The following PCDHGB6 variants were observed in gnomAD, a reference collection of about 807,000 sequenced individuals.
PCDHGB6 encodes protocadherin gamma subfamily B, 6.
In PCDHGB6, 51 loss-of-function variants were observed where a neutral mutation model predicts 59.1. That is an observed-to-expected ratio of 0.86 (90% confidence interval 0.69 to 1.09). The LOEUF is 1.09. Among genes scored for constraint, PCDHGB6 ranks in the 50% least tolerant of loss-of-function variants. The pLI, the probability that PCDHGB6 is intolerant of heterozygous loss-of-function variation, is 0.00. For synonymous variants in PCDHGB6, 466 were observed against 495.1 expected, an observed-to-expected ratio of 0.94 and a Z score of 0.78; for missense variants, 1,148 against 1,205.1, an observed-to-expected ratio of 0.95 and a Z score of 0.70.
At chr5:141,451,193 A>T (rs2098710240) in intron 1 of PCDHGB6, among the ~76,000 whole-genome samples, 1 of 152,208 alleles carries the variant, frequency 6.6e-6, no homozygotes, top group Non-Finnish European at 1.5e-5. Context: ...TGTGTAACAA[A>T]TTATCCCAAA....
At chr5:141,479,486 A>T (rs72790065) in intron 1 of PCDHGB6, 21,264 of 152,292 alleles carry the variant, frequency 0.14, 1,529 homozygotes, top group Admixed American at 0.16. Context: ...GGGCAGGACC[A>T]TCAGGTTGCC....
Position 141,408,177 on chromosome 5 carries a change from G to A in PCDHGB6, c.-26G>A, listed in dbSNP as rs1359754385. 7.2e-6 allele frequency: 11 copies of A among 1,534,346 alleles called. 1 individual carries two copies. In the South Asian group the frequency reaches 1.3e-4, roughly 19 times the overall value. ...GCACTTTCTCCAACTGGAAAAGCGGGGACCCAGCGAGAACCCGAGCGAACG... is the reference window on the plus strand; with the variant it reads ...GCACTTTCTCCAACTGGAAAAGCGGAGACCCAGCGAGAACCCGAGCGAACG... On this transcript the variant is annotated 5_prime_UTR_variant, in exon 1 of 4. Transcript: ENST00000520790.
intron 1 of PCDHGB6, chr5:141,415,339 C>T (rs776585248): frequency 7.4e-6 from 12 of 1,614,190 alleles, no homozygotes; most frequent in Non-Finnish European, 1.0e-5. Context: ...CAGGCTGCGG[C>T]GCTGGCACAA....
chr5:141,410,849 CTTT>C (rs759346998), intron 1 of PCDHGB6: 1,556 of 136,944 alleles, frequency 0.011, no homozygotes, highest in South Asian at 0.02. Flanking sequence ...TTGTCTTTGT[CTTT>C]TTTTTTTTTT....
chr5:141,427,428 T>C (rs1489623330), intron 1 of PCDHGB6: 3 of 470,472 alleles, frequency 6.4e-6, no homozygotes, highest in Admixed American at 4.7e-5. Context: ...GGAGGTTACA[T>C]GCCTCATAAA....
intron 1 of PCDHGB6, among the ~76,000 whole-genome samples, chr5:141,463,124 T>C (rs2099053100): frequency 6.6e-6 from 1 of 152,174 alleles, no homozygotes; most frequent in African/African-American, 2.4e-5. Context: ...AATAGCTCCC[T>C]GGCAGTTCTT....
rs763879404 is a variant in PCDHGB6, at chr5:141,410,041, G to A, written c.1839G>A (p.Glu613=). 2 of 1,613,228 alleles carry A rather than the reference G, an allele frequency of 1.2e-6. No individual in the cohort carries two copies. Among genetic ancestry groups the A allele is most frequent in the East Asian group, 2.2e-5 (1 of 44,870 alleles). The change falls in exon 1 of 4, where the codon GAG becomes GAA. Residue 613 remains glutamate (E), a synonymous_variant. Coordinates refer to ENST00000520790, the MANE Select transcript of PCDHGB6 (RefSeq NM_018926.3). The part of the protein sequence containing the change: ...WLSYHVLQAS[E]PGLFSLGLRT... ...CCTACCACGTGCTGCAGGCCAGTGAGCCCGGACTCTTCAGCCTGGGGCTGC... is the reference window on the plus strand; with the variant it reads ...CCTACCACGTGCTGCAGGCCAGTGAACCCGGACTCTTCAGCCTGGGGCTGC...
intron 1 of PCDHGB6, among the ~76,000 whole-genome samples, chr5:141,443,859 GAA>G (rs2098408229): frequency 6.6e-6 from 1 of 152,104 alleles, no homozygotes; most frequent in Non-Finnish European, 1.5e-5. Context: ...TCTGAAAACT[GAA>G]AAAATTACTG....
chr5:141,419,240 G>T, intron 1 of PCDHGB6: 1 of 1,613,980 alleles, frequency 6.2e-7, no homozygotes. Flanking sequence ...CCTGGTCCAC[G>T]TGCCAGAAAA....
intron 1 of PCDHGB6, among the ~76,000 whole-genome samples, chr5:141,481,913 CAAAAA>C (rs34114744): frequency 1.1e-5 from 1 of 90,852 alleles, no homozygotes; most frequent in Non-Finnish European, 2.2e-5. Flanking sequence ...AACTCCATCT[CAAAAA>C]AAAAAAAAAA....
chr5:141,484,374 T>C (rs1261372490), intron 1 of PCDHGB6, among the ~76,000 whole-genome samples: 1 of 152,186 alleles, frequency 6.6e-6, no homozygotes, highest in Non-Finnish European at 1.5e-5. Context: ...CACTAGCAAA[T>C]GTCTGAATAA....
At chr5:141,426,625 A>G (rs770683989) in intron 1 of PCDHGB6, 29 of 394,754 alleles carry the variant, frequency 7.3e-5, no homozygotes, top group South Asian at 7.2e-5. Context: ...AATCCTCTAA[A>G]TGTTTTTCAC....
rs1029237740 is a variant in PCDHGB6, at chr5:141,500,358, A to G, written c.2478-5035A>G. ...AGAATAGCTGGGACTACAGGCGCCC[A>G]CTACCACGCCCGGCTAATTATTTTG... On this transcript the variant is annotated intron_variant, in intron 2 of 3. Coordinates refer to ENST00000520790, the MANE Select transcript of PCDHGB6 (RefSeq NM_018926.3). Among the ~76,000 whole-genome samples, 5 of 151,706 alleles carry G rather than the reference A, an allele frequency of 3.3e-5. No homozygotes were observed. In the South Asian group the frequency reaches 6.3e-4, roughly 19 times the overall value.
At chr5:141,445,268 C>A (rs2098461653) in intron 1 of PCDHGB6, among the ~76,000 whole-genome samples, 1 of 152,170 alleles carries the variant, frequency 6.6e-6, no homozygotes, top group Non-Finnish European at 1.5e-5. Flanking sequence ...TAAGTCGAAA[C>A]CACTCTGCAT....
At position 141,489,632 on chromosome 5, in the gene PCDHGB6, C is replaced by T; in HGVS notation, c.2419-5175C>T. 6.2e-7 allele frequency: 1 copy of T among 1,614,138 alleles called. No homozygotes were observed. Among genetic ancestry groups the T allele is most frequent in the Non-Finnish European group, 8.5e-7 (1 of 1,180,010 alleles). Reference sequence around the variant, plus strand: ...ATCCTGGATCTCAATGACAACTCTCCTAGCTTTGCCACCCCTGAGCGAGAG... The same window carrying T: ...ATCCTGGATCTCAATGACAACTCTCTTAGCTTTGCCACCCCTGAGCGAGAG... On this transcript the variant is annotated intron_variant, in intron 1 of 3. Transcript: ENST00000520790. The surrounding 1 kb of genome is among the most constrained non-coding windows in gnomAD (Gnocchi z 4.5).
At chr5:141,483,967 G>C (rs2099589454) in intron 1 of PCDHGB6, among the ~76,000 whole-genome samples, 1 of 149,276 alleles carries the variant, frequency 6.7e-6, no homozygotes, top group African/African-American at 2.5e-5. Flanking sequence ...TTCTGTGCTT[G>C]TGCAAGGGAG....
In PCDHGB6 at chr5:141,408,438, C is replaced by G. The variant is rs749271632; in HGVS notation, c.236C>G (p.Ala79Gly). 5.0e-6 allele frequency: 8 copies of G among 1,613,896 alleles called. No homozygotes were observed. The highest frequency in any genetic ancestry group is 5.9e-6 in the Non-Finnish European group (7 of 1,179,904). Residue 79 changes from alanine to glycine, a missense_variant, in exon 1 of 4, where the codon GCG becomes GGG. By Grantham distance (60) the Ala-to-Gly change is moderately conservative (BLOSUM62 0). Coordinates refer to ENST00000520790, the MANE Select transcript of PCDHGB6 (RefSeq NM_018926.3). ...SAEKLHFSVD[A>G]ESGDLLVKNR... is the part of the protein sequence containing the mutation. Reference sequence around the variant, plus strand: ...GAGAAGCTGCACTTCAGCGTAGACGCGGAGAGCGGGGACTTACTTGTGAAG... The same window carrying G: ...GAGAAGCTGCACTTCAGCGTAGACGGGGAGAGCGGGGACTTACTTGTGAAG...
intron 1 of PCDHGB6, among the ~76,000 whole-genome samples, chr5:141,438,833 T>C (rs989612425): frequency 6.6e-6 from 1 of 150,476 alleles, no homozygotes; most frequent in Non-Finnish European, 1.5e-5. Context: ...AGCTAATTTT[T>C]TAAAATATTT....
At chr5:141,424,129 T>G in intron 1 of PCDHGB6, 1 of 492,066 alleles carries the variant, frequency 2.0e-6, no homozygotes, top group Non-Finnish European at 2.7e-6. Context: ...TCCTGTTGAT[T>G]TAATAGCATG....
Sources: gnomAD v4.1 joint callset for allele counts (sites outside exome capture counted in the v4.1 genomes callset) on GRCh38, gnomAD v4.1.1 for gene constraint, Gnocchi (gnomAD v3.1) non-coding constraint, MANE v1.5 for transcripts, NCBI Gene and HGNC (gene_info 2026-07-23, HGNC 2026-07-21) for gene names.